TMEM237: variants seen among roughly 807,000 people sequenced by gnomAD.
TMEM237 encodes transmembrane protein 237, also known as amyotrophic lateral sclerosis 2 (juvenile) chromosome region, candidate 4.
A neutral mutation model predicts 59.1 loss-of-function variants in TMEM237; 51 were observed. The ratio of observed to expected loss-of-function variants is 0.86; its 90% CI spans 0.69 to 1.09. The LOEUF (loss-of-function observed/expected upper bound fraction) is 1.09. Ranked by LOEUF, TMEM237 falls within the 50% of genes least tolerant of loss-of-function variation. The pLI, the probability that TMEM237 is intolerant of heterozygous loss-of-function variation, is 0.00. For synonymous variants in TMEM237, 140 were observed against 166.1 expected (o/e 0.84, Z 1.21); for missense variants, 475 against 478.3 (o/e 0.99, Z 0.06).
intron 12 of TMEM237, among the ~76,000 whole-genome samples, 163 bp from the exon 13 acceptor site, chr2:201,624,485 TA>T (rs1957740011): frequency 2.0e-5 from 3 of 152,156 alleles, no homozygotes; most frequent in Admixed American, 1.3e-4. Context: ...ATTTAAAAGG[TA>T]AGCTGATAAC....
chr2:201,625,382 A>AAAAAAAG (rs1559584016), intron 12 of TMEM237, among the ~76,000 whole-genome samples: 1 of 152,066 alleles, frequency 6.6e-6, no homozygotes, highest in African/African-American at 2.4e-5. Flanking sequence ...AAATAAAAAA[A>AAAAAAAG]AAAAGATATT....
intron 8 of TMEM237, 115 bp from the exon 9 acceptor site, chr2:201,629,536 G>T (rs1957790090): frequency 3.0e-6 from 4 of 1,325,088 alleles, no homozygotes; most frequent in Non-Finnish European, 4.0e-6. Context: ...ACAAGTAAAA[G>T]CAAGCTCTTT....
Position 201,622,092 on chromosome 2 carries a change from T to G in TMEM237, c.*2163A>C, listed in dbSNP as rs1441504996. ...TACAGGGCCACTAGCTGCTCAGGTT[T>G]ATATGCCTCCTGGGTCATTACGAGA... On this transcript the variant is annotated 3_prime_UTR_variant, in exon 13 of 13. Coordinates refer to ENST00000409883, the MANE Select transcript of TMEM237 (RefSeq NM_001044385.3). The G allele has an allele frequency of 6.6e-6, 1 of 152,210 alleles. No homozygotes were observed. Among genetic ancestry groups the G allele is most frequent in the Non-Finnish European group, 1.5e-5 (1 of 68,046 alleles). The allele number at this position is 152,210 out of a possible 1,614,324, so 9.4% of individuals were successfully genotyped here. A position where few individuals can be genotyped will look rare whatever the true frequency, so the allele number is the denominator to read the frequency against.
Position 201,640,922 on chromosome 2 carries a change from A to T in TMEM237, c.45T>A (p.Arg15=). The part of the protein sequence containing the change: ...SGARLEEGHL[R]PPRALPPVPS... Reference sequence around the variant, plus strand: ...GCACAGGTGGAAGAGCTCGTGGAGGACGCTGTGGCGGAAAAAATAAATTTG... The same window carrying T: ...GCACAGGTGGAAGAGCTCGTGGAGGTCGCTGTGGCGGAAAAAATAAATTTG... The change falls in exon 2 of 13, where the codon CGT becomes CGA. Residue 15 remains arginine (R), a splice_region_variant and synonymous_variant. Transcript: ENST00000409883. The T allele has an allele frequency of 6.2e-7, 1 of 1,602,912 alleles. No homozygotes were observed. Among genetic ancestry groups the T allele is most frequent in the Non-Finnish European group, 8.5e-7 (1 of 1,172,038 alleles).
chr2:201,623,040 T>G lies in TMEM237; in HGVS notation c.*1215A>C, dbSNP rs113227247. 273 of 167,354 alleles carry G rather than the reference T, an allele frequency of 1.6e-3. 1 individual carries two copies. The highest frequency in any genetic ancestry group is 5.9e-3 in the African/African-American group (251 of 42,318). The allele number at this position is 167,354 out of a possible 1,614,324, so 10.4% of individuals were successfully genotyped here. On this transcript the variant is annotated 3_prime_UTR_variant, in exon 13 of 13. Coordinates refer to ENST00000409883, the MANE Select transcript of TMEM237 (RefSeq NM_001044385.3). ...AGAATTGCCAGCAAATTCACAATTC[T>G]GTGACAGCAGGGAGAATCCCTTTTC... is the stretch of plus-strand genomic sequence containing the variant.
intron 4 of TMEM237, 171 bp downstream of exon 4, chr2:201,638,818 T>A (rs1401389410): frequency 1.5e-6 from 1 of 673,782 alleles, no homozygotes; most frequent in Non-Finnish European, 2.6e-6. Flanking sequence ...CACTGCCCTG[T>A]ACCTCACCAC....
Position 201,629,436 on chromosome 2 carries a change from G to C in TMEM237, c.678-15C>G, listed in dbSNP as rs767937638. On this transcript the variant is annotated splice_polypyrimidine_tract_variant and intron_variant, in intron 8 of 12. Coordinates refer to ENST00000409883, the MANE Select transcript of TMEM237 (RefSeq NM_001044385.3). ...GACCAATCATCCTGAATGGAAAAGG[G>C]TTTGATTATTATACATGAATTACTA... 6.5e-7 allele frequency: 1 copy of C among 1,528,030 alleles called. No individual in the cohort carries two copies. The allele number at this position is 1,528,030 out of a possible 1,614,324, so 94.7% of individuals were successfully genotyped here. A position where few individuals can be genotyped will look rare whatever the true frequency, so the allele number is the denominator to read the frequency against.
At position 201,624,235 on chromosome 2, in the gene TMEM237, C is replaced by G; in HGVS notation, c.*20G>C. 1.9e-6 allele frequency: 3 copies of G among 1,598,248 alleles called. No homozygotes were observed. The highest frequency in any genetic ancestry group is 2.6e-6 in the Non-Finnish European group (3 of 1,168,004). Reference sequence around the variant, plus strand: ...ATGGGACAAATACTGGGTCATTATTCCTCCAAAGGTGAGCTGGTATTATGA... The same window carrying G: ...ATGGGACAAATACTGGGTCATTATTGCTCCAAAGGTGAGCTGGTATTATGA... On this transcript the variant is annotated 3_prime_UTR_variant, in exon 13 of 13. Coordinates refer to ENST00000409883, the MANE Select transcript of TMEM237 (RefSeq NM_001044385.3).
At chr2:201,642,862 G>A in intron 1 of TMEM237, 1 of 1,337,596 alleles carries the variant, frequency 7.5e-7, no homozygotes, top group South Asian at 2.0e-5. Flanking sequence ...ATGTGCCCAG[G>A]AGCAGAAATC....
At chr2:201,639,337 A>T (rs1487725613) in intron 3 of TMEM237, among the ~76,000 whole-genome samples, 2 of 152,250 alleles carry the variant, frequency 1.3e-5, no homozygotes, top group Admixed American at 1.3e-4. Context: ...ACATAGGTGT[A>T]GTCTATGACT....
rs1339208220 is a variant in TMEM237 at position 201,629,250 on chromosome 2, A to G, written c.849T>C (p.Ser283=). ...ATTACCTGTCAAAAGCTGAAATTGT[A>G]CTCAGAGCCAAAAGCAAGTACAGAA... ...QSLLYLLLAL[S]TISAFDRIDF... The change falls in exon 9 of 13, where the codon AGT becomes AGC. Residue 283 remains serine, a synonymous_variant. Coordinates refer to ENST00000409883, the MANE Select transcript of TMEM237 (RefSeq NM_001044385.3). 1 of 1,574,446 alleles carries G rather than the reference A, an allele frequency of 6.4e-7. No individual in the cohort carries two copies. The highest frequency in any genetic ancestry group is 8.6e-7 in the Non-Finnish European group (1 of 1,166,634).
In TMEM237 at chr2:201,643,012, A is replaced by C. The variant is rs1687461632; in HGVS notation, c.42+347T>G. ...GAACAGATCTCTTCTGGGCAGCTAC[A>C]GACCTCTCCTCGGAGGAGTCTAGGA... On this transcript the variant is annotated intron_variant, in intron 1 of 12. Transcript: ENST00000409883. The surrounding 1 kb of genome is among the most constrained non-coding windows in gnomAD (Gnocchi z 4.3). 7.7e-7 allele frequency: 1 copy of C among 1,292,090 alleles called. No homozygotes were observed. The highest frequency in any genetic ancestry group is 1.6e-5 in the African/African-American group (1 of 63,752). The allele number at this position is 1,292,090 out of a possible 1,614,324, so 80.0% of individuals were successfully genotyped here. A position where few individuals can be genotyped will look rare whatever the true frequency, so the allele number is the denominator to read the frequency against.
chr2:201,629,918 T>A lies in TMEM237; in HGVS notation c.554-66A>T, dbSNP rs557253369. 120 of 1,521,606 alleles carry A rather than the reference T, an allele frequency of 7.9e-5. 3 individuals are homozygous for A. The Middle Eastern group carries it at 8.6e-4, about 11-fold the overall frequency. The allele number at this position is 1,521,606 out of a possible 1,614,324, so 94.3% of individuals were successfully genotyped here. On this transcript the variant is annotated intron_variant, in intron 7 of 12. Transcript: ENST00000409883. Reference sequence around the variant, plus strand: ...GAACCCTGGTAGCCATTTTTTTTTTTAAATTCCATACTCAGGAAGCCGCAA... The same window carrying A: ...GAACCCTGGTAGCCATTTTTTTTTTAAAATTCCATACTCAGGAAGCCGCAA...
rs1957687956 is a variant in TMEM237, at chr2:201,620,417, T to C, written c.*3838A>G. The C allele has an allele frequency of 6.6e-6, 1 of 152,220 alleles. No individual in the cohort carries two copies. The highest frequency in any genetic ancestry group is 6.5e-5 in the Admixed American group (1 of 15,280). The allele number at this position is 152,220 out of a possible 1,614,324, so 9.4% of individuals were successfully genotyped here. A position where few individuals can be genotyped will look rare whatever the true frequency, so the allele number is the denominator to read the frequency against. The stretch of plus-strand genomic sequence containing the variant: ...TTAACTGCTATATCCAAGCTACTTC[T>C]TGGCATATCCTTGTCAGCCTAAATA... On this transcript the variant is annotated 3_prime_UTR_variant, in exon 13 of 13. Coordinates refer to ENST00000409883, the MANE Select transcript of TMEM237 (RefSeq NM_001044385.3).
chr2:201,633,354 G>A lies in TMEM237; in HGVS notation c.352C>T (p.Pro118Ser). ...LRNENGIDAEPAEEAVIQKPR... is the reference protein window; with the variant it reads ...LRNENGIDAESAEEAVIQKPR... ...TTTTGAATAACTGCCTCCTCAGCTG[G>A]CTCCGCATCAATACCATTTTCATTT... The change falls in exon 6 of 13, where the codon CCA (proline) becomes TCA (serine). Residue 118 changes from proline to serine, a missense_variant. Physicochemically the swap from Pro to Ser is moderately conservative, Grantham distance 74. Transcript: ENST00000409883. 1 of 1,596,242 alleles carries A rather than the reference G, an allele frequency of 6.3e-7. No individual in the cohort carries two copies.
At chr2:201,638,807 C>T (rs1687352533) in intron 4 of TMEM237, 182 bp downstream of exon 4, 1 of 633,106 alleles carries the variant, frequency 1.6e-6, no homozygotes, top group East Asian at 2.8e-5. Flanking sequence ...CTCAGGCTGC[C>T]CACTGCCCTG....
intron 5 of TMEM237, among the ~76,000 whole-genome samples, chr2:201,634,635 C>A (rs1559588290): frequency 6.6e-6 from 1 of 152,170 alleles, no homozygotes; most frequent in Non-Finnish European, 1.5e-5. Flanking sequence ...ACTAAAAGGG[C>A]ACTTTTAATG....
chr2:201,628,231 C>T, intron 9 of TMEM237, 82 bp from the exon 10 acceptor site: 2 of 963,270 alleles, frequency 2.1e-6, no homozygotes, highest in Non-Finnish European at 3.2e-6. Flanking sequence ...TTTTTTCCTT[C>T]TCTAGTCTAA....
chr2:201,626,980 T>C (rs1957764842), intron 11 of TMEM237, among the ~76,000 whole-genome samples: 2 of 151,878 alleles, frequency 1.3e-5, no homozygotes, highest in South Asian at 4.1e-4. Context: ...CTCAGGAGGC[T>C]AAGACTGCAG....
Sources: allele counts gnomAD v4.1 joint callset (sites outside exome capture counted in the v4.1 genomes callset), GRCh38; gene constraint gnomAD v4.1.1; non-coding constraint Gnocchi (gnomAD v3.1); transcripts MANE v1.5; gene names NCBI Gene and HGNC (gene_info 2026-07-23, HGNC 2026-07-21).